Variants in PRKD1 observed in about 807,000 individuals in gnomAD.
PRKD1 encodes serine/threonine-protein kinase D1.
In PRKD1, 63 loss-of-function variants were observed where a neutral mutation model predicts 95.9. The ratio of observed to expected loss-of-function variants is 0.66; its 90% CI spans 0.54 to 0.81. The LOEUF (loss-of-function observed/expected upper bound fraction) is 0.81. PRKD1 is among the 30% of genes least tolerant of loss of function. PRKD1 has a pLI of 0.00. For synonymous variants in PRKD1, 425 were observed against 423.1 expected (o/e 1.00, Z -0.05); for missense variants, 1,048 against 1,165.3 (o/e 0.90, Z 1.47).
intron 13 of PRKD1, among the ~76,000 whole-genome samples, chr14:29,602,250 G>A (rs967098246): frequency 6.6e-6 from 1 of 152,002 alleles, no homozygotes; most frequent in Non-Finnish European, 1.5e-5. Context: ...GAGTGACCTC[G>A]GGGGCCCAGG....
At chr14:29,809,080 C>T (rs766947806) in intron 1 of PRKD1, among the ~76,000 whole-genome samples, 3 of 152,204 alleles carry the variant, frequency 2.0e-5, no homozygotes, top group Non-Finnish European at 4.4e-5. Flanking sequence ...TCCATCTCCA[C>T]CAGAGCTCTT....
chr14:29,631,080 A>T (rs1164541884), intron 9 of PRKD1, 59 bp from the exon 10 acceptor site: 2 of 1,449,742 alleles, frequency 1.4e-6, no homozygotes, highest in African/African-American at 2.8e-5. Flanking sequence ...CTTTCAAAGA[A>T]AATTCATGCC....
intron 13 of PRKD1, among the ~76,000 whole-genome samples, chr14:29,622,683 G>A (rs930806757): frequency 4.6e-5 from 7 of 152,250 alleles, no homozygotes; most frequent in Non-Finnish European, 7.4e-5. Context: ...GATTACAGGC[G>A]TGAGCCATCT....
intron 1 of PRKD1, among the ~76,000 whole-genome samples, chr14:29,897,515 T>C (rs2139424186): frequency 6.6e-6 from 1 of 152,278 alleles, no homozygotes. Context: ...CAGACCTTCA[T>C]CATTTACTAA....
chr14:29,794,204 G>C (rs963307032), intron 1 of PRKD1, among the ~76,000 whole-genome samples: 10 of 151,802 alleles, frequency 6.6e-5, no homozygotes, highest in Non-Finnish European at 1.5e-4. Flanking sequence ...TACAAAACAA[G>C]GGCCATGATT....
rs899888244 is a variant in PRKD1, at chr14:29,825,752, A to T, written c.265-100078T>A. On this transcript the variant is annotated intron_variant, in intron 1 of 17. Transcript: ENST00000331968. ...GTCAACATAGTGGTTTTTGAAAGAT[A>T]TTTTTTTCCTATCCAGTTATGTTAA... Among the ~76,000 whole-genome samples, 8 of 152,100 alleles carry T rather than the reference A, an allele frequency of 5.3e-5. No individual in the cohort carries two copies. The East Asian group carries it at 1.5e-3, about 29-fold the overall frequency.
intron 1 of PRKD1, among the ~76,000 whole-genome samples, chr14:29,743,375 T>C (rs1205189168): frequency 6.6e-6 from 1 of 151,958 alleles, no homozygotes; most frequent in East Asian, 1.9e-4. Context: ...TATATAAAAA[T>C]TAAAACTGAA....
At chr14:29,789,470 G>A (rs1296703022) in intron 1 of PRKD1, among the ~76,000 whole-genome samples, 1 of 152,162 alleles carries the variant, frequency 6.6e-6, no homozygotes, top group African/African-American at 2.4e-5. Flanking sequence ...GGGTGGCTGT[G>A]TTGGTATAGT....
At position 29,631,064 on chromosome 14, in the gene PRKD1, T is replaced by C. The variant is rs184117791; in HGVS notation, c.1393-43A>G. On this transcript the variant is annotated intron_variant, in intron 9 of 17. Transcript: ENST00000331968. The stretch of plus-strand genomic sequence containing the variant: ...TACTAAATGTTGTTTATCAAAAGTA[T>C]GTAAACTTTCAAAGAAAATTCATGC... The C allele has an allele frequency of 4.2e-5, 63 of 1,515,834 alleles. No individual in the cohort carries two copies. The African/African-American group carries it at 7.9e-4, about 19-fold the overall frequency. 93.9% of individuals were successfully genotyped at this position (1,515,834 alleles called of 1,614,324 possible). A position where few individuals can be genotyped will look rare whatever the true frequency, so the allele number is the denominator to read the frequency against.
chr14:29,606,624 A>G (rs1877993224), intron 13 of PRKD1, among the ~76,000 whole-genome samples: 1 of 152,312 alleles, frequency 6.6e-6, no homozygotes, highest in East Asian at 1.9e-4. Context: ...AGTTATCAGC[A>G]AGAGATAAGC....
intron 1 of PRKD1, among the ~76,000 whole-genome samples, chr14:29,770,021 T>C (rs1223651800): frequency 1.3e-5 from 2 of 152,106 alleles, no homozygotes; most frequent in Non-Finnish European, 2.9e-5. Flanking sequence ...AGTGCCCTTA[T>C]AAAAGAAGCC....
chr14:29,599,200 GA>G (rs1555326714), intron 14 of PRKD1, 75 bp from the exon 15 acceptor site: 10 of 1,245,388 alleles, frequency 8.0e-6, no homozygotes, highest in African/African-American at 1.5e-5. Flanking sequence ...AAAAGGCCAA[GA>G]AAAAAAACTG....
At chr14:29,759,988 A>T (rs1236806070) in intron 1 of PRKD1, among the ~76,000 whole-genome samples, 1 of 152,226 alleles carries the variant, frequency 6.6e-6, no homozygotes, top group Non-Finnish European at 1.5e-5. Flanking sequence ...CATACCGTTG[A>T]CTATAAACAC....
intron 1 of PRKD1, among the ~76,000 whole-genome samples, chr14:29,889,243 C>A (rs753423926): frequency 3.9e-5 from 6 of 152,146 alleles, no homozygotes; most frequent in Non-Finnish European, 8.8e-5. Flanking sequence ...TCCAAGAGGC[C>A]CATTGAAAAC....
At chr14:29,860,489 C>T (rs1016648649) in intron 1 of PRKD1, among the ~76,000 whole-genome samples, 1 of 150,994 alleles carries the variant, frequency 6.6e-6, no homozygotes, top group Non-Finnish European at 1.5e-5. Flanking sequence ...TGCAATCAAC[C>T]CAAGAAACAC....
chr14:29,811,398 T>A (rs1890477920), intron 1 of PRKD1, among the ~76,000 whole-genome samples: 1 of 151,928 alleles, frequency 6.6e-6, no homozygotes, highest in Non-Finnish European at 1.5e-5. Context: ...GAGCTGGACA[T>A]CTCCCTTCCC....
At chr14:29,869,410 A>G (rs779121858) in intron 1 of PRKD1, among the ~76,000 whole-genome samples, 4 of 151,878 alleles carry the variant, frequency 2.6e-5, no homozygotes, top group African/African-American at 7.3e-5. Flanking sequence ...ATTGTACCCC[A>G]GTCTGGACAA....
chr14:29,927,257 C>A lies in PRKD1; in HGVS notation c.256G>T (p.Asp86Tyr), dbSNP rs761182562. The A allele has an allele frequency of 8.0e-6, 12 of 1,507,120 alleles. No homozygotes were observed. Among genetic ancestry groups the A allele is most frequent in the South Asian group, 1.3e-5 (1 of 79,966 alleles). 93.4% of individuals were successfully genotyped at this position (1,507,120 alleles called of 1,614,324 possible). Residue 86 changes from aspartate to tyrosine, a missense_variant, in exon 1 of 18, where the codon GAC becomes TAC. Coordinates refer to ENST00000331968, the MANE Select transcript of PRKD1 (RefSeq NM_002742.3). ...GCGGTGCGGCGACTTACCTTCTGGTCGACAATGGAGCAAGCCATCTCGCGG... is the reference window on the plus strand; with the variant it reads ...GCGGTGCGGCGACTTACCTTCTGGTAGACAATGGAGCAAGCCATCTCGCGG... ...HVREMACSIVDQKFPECGFYG... is the reference protein window; with the variant it reads ...HVREMACSIVYQKFPECGFYG...
intron 13 of PRKD1, among the ~76,000 whole-genome samples, chr14:29,609,909 C>T (rs1341914362): frequency 6.6e-6 from 1 of 151,936 alleles, no homozygotes; most frequent in Non-Finnish European, 1.5e-5. Context: ...AGTCATTCTT[C>T]GTTTCATACA....
Sources: gnomAD v4.1 joint callset for allele counts (sites outside exome capture counted in the v4.1 genomes callset) on GRCh38, gnomAD v4.1.1 for gene constraint, MANE v1.5 for transcripts, NCBI Gene and HGNC (gene_info 2026-07-23, HGNC 2026-07-21) for gene names.